Variants in DLG2 observed in about 807,000 individuals in gnomAD.
DLG2 encodes discs large MAGUK scaffold protein 2, also known as disks large homolog 2.
A neutral mutation model predicts 132.5 loss-of-function variants in DLG2; 45 were observed. That is an observed-to-expected ratio of 0.34 (90% CI 0.27 to 0.44). DLG2 has a LOEUF of 0.44. Among genes scored for constraint, DLG2 ranks in the 20% least tolerant of loss-of-function variants. The pLI, the probability that DLG2 is intolerant of heterozygous loss-of-function variation, is 1.00. For missense variants in DLG2, 1,045 were observed against 1,196.9 expected, an observed-to-expected ratio of 0.87 and a Z score of 1.87; for synonymous variants, 424 against 419.6, an observed-to-expected ratio of 1.01 and a Z score of -0.13.
At chr11:84,859,860 C>G (rs1207845613) in intron 6 of DLG2, among the ~76,000 whole-genome samples, 1 of 152,030 alleles carries the variant, frequency 6.6e-6, no homozygotes, top group African/African-American at 2.4e-5. Context: ...GTTTCACTTT[C>G]CTCTTAGAAA....
chr11:84,221,774 G>A (rs563780016), intron 8 of DLG2, among the ~76,000 whole-genome samples: 1 of 152,190 alleles, frequency 6.6e-6, no homozygotes, highest in South Asian at 2.1e-4. Context: ...TATCCACAGT[G>A]ACTACTGCCA....
intron 18 of DLG2, among the ~76,000 whole-genome samples, chr11:83,648,555 A>G (rs929467552): frequency 2.3e-4 from 35 of 152,302 alleles, no homozygotes; most frequent in African/African-American, 7.9e-4. Flanking sequence ...TGAATTACCA[A>G]GTAAAACTGA....
chr11:83,933,273 G>T (rs561193443), intron 14 of DLG2, among the ~76,000 whole-genome samples: 3 of 152,314 alleles, frequency 2.0e-5, no homozygotes, highest in African/African-American at 7.2e-5. Context: ...ATTATAAACT[G>T]CCAGAATGGC....
chr11:85,602,474 G>C (rs573236237), intron 2 of DLG2, among the ~76,000 whole-genome samples: 1 of 152,022 alleles, frequency 6.6e-6, no homozygotes, highest in East Asian at 1.9e-4. Flanking sequence ...CACCCAGATG[G>C]GAATGTAGTG....
intron 7 of DLG2, among the ~76,000 whole-genome samples, chr11:84,389,643 C>T (rs1445973195): frequency 2.6e-5 from 4 of 151,922 alleles, no homozygotes; most frequent in Admixed American, 6.6e-5. Context: ...GATTTATCCT[C>T]CAGAATAATT....
chr11:85,076,145 C>T (rs1312352782), intron 6 of DLG2, among the ~76,000 whole-genome samples: 1 of 151,892 alleles, frequency 6.6e-6, no homozygotes, highest in African/African-American at 2.4e-5. Context: ...GCTAGAGATA[C>T]ACAGATGAAT....
In DLG2 at chr11:83,646,357, C is replaced by CAGAGTG. The variant is rs113642329; in HGVS notation, c.1826-13033_1826-13032insCACTCT. Among the ~76,000 whole-genome samples the CAGAGTG allele has an allele frequency of 1.3e-3, 158 of 126,286 alleles. No homozygotes were observed. In the East Asian group the frequency reaches 0.02, roughly 16 times the overall value. 82.8% of individuals were successfully genotyped at this position (126,286 alleles called of 152,430 possible). A position where few individuals can be genotyped will look rare whatever the true frequency, so the allele number is the denominator to read the frequency against. ...ATTTAATAGGCTTTCAGATATGAAACAGAGAGAGAGAGAGAGAGAGGAAGG... is the reference window on the plus strand; with the variant it reads ...ATTTAATAGGCTTTCAGATATGAAACAGAGTGAGAGAGAGAGAGAGAGAGAGGAAGG... On this transcript the variant is annotated intron_variant, in intron 18 of 27. Coordinates refer to ENST00000376104, the MANE Select transcript of DLG2 (RefSeq NM_001142699.3).
intron 8 of DLG2, among the ~76,000 whole-genome samples, chr11:84,169,623 A>G (rs953326910): frequency 6.6e-6 from 1 of 152,118 alleles, no homozygotes; most frequent in Non-Finnish European, 1.5e-5. Flanking sequence ...CTATAATCTC[A>G]GCACTTTGGG....
chr11:85,142,342 T>G (rs1306515218), intron 5 of DLG2, among the ~76,000 whole-genome samples: 1 of 151,830 alleles, frequency 6.6e-6, no homozygotes. Context: ...GTTTTTTTCT[T>G]GGTTTCTTTT....
chr11:84,735,088 T>C (rs2063655584), intron 6 of DLG2, among the ~76,000 whole-genome samples: 1 of 152,044 alleles, frequency 6.6e-6, no homozygotes, highest in South Asian at 2.1e-4. Context: ...GGGATATTGG[T>C]CTAAAATTCT....
At chr11:84,443,369 A>G (rs1342752010) in intron 7 of DLG2, among the ~76,000 whole-genome samples, 3 of 152,314 alleles carry the variant, frequency 2.0e-5, no homozygotes, top group African/African-American at 4.8e-5. Flanking sequence ...ATAATTTTCA[A>G]TAAACACTCT....
chr11:83,658,068 T>A (rs1291522634), intron 18 of DLG2, among the ~76,000 whole-genome samples: 2 of 152,202 alleles, frequency 1.3e-5, no homozygotes, highest in African/African-American at 4.8e-5. Context: ...CAGAGCTAAA[T>A]TCTGGAAAAC....
At chr11:83,747,330 G>T (rs11233739) in intron 18 of DLG2, among the ~76,000 whole-genome samples, 1,450 of 65,326 alleles carry the variant, frequency 0.022, 13 homozygotes, top group African/African-American at 0.056. Flanking sequence ...CTTCCTTCCT[G>T]CCTTCCTTCC....
intron 18 of DLG2, among the ~76,000 whole-genome samples, chr11:83,777,764 G>A (rs895558056): frequency 2.0e-5 from 3 of 152,100 alleles, no homozygotes; most frequent in Non-Finnish European, 2.9e-5. Flanking sequence ...GTGGGTGAAA[G>A]ATAATTTCTG....
intron 7 of DLG2, among the ~76,000 whole-genome samples, chr11:84,383,624 G>A (rs1016223309): frequency 6.6e-6 from 1 of 152,048 alleles, no homozygotes; most frequent in African/African-American, 2.4e-5. Context: ...GGTACTGTGG[G>A]CAGACTCTAG....
At chr11:85,624,857 A>C (rs772184628) in intron 2 of DLG2, among the ~76,000 whole-genome samples, 6 of 152,200 alleles carry the variant, frequency 3.9e-5, no homozygotes, top group Non-Finnish European at 5.9e-5. Context: ...TTATTGAAGA[A>C]GGAAAGAAGA....
At chr11:84,971,694 C>G (rs1026372651) in intron 6 of DLG2, among the ~76,000 whole-genome samples, 1 of 151,946 alleles carries the variant, frequency 6.6e-6, no homozygotes, top group African/African-American at 2.4e-5. Context: ...AAGGGTAATT[C>G]TTTGATGGTA....
intron 18 of DLG2, among the ~76,000 whole-genome samples, chr11:83,683,869 G>T (rs2079244011): frequency 6.6e-6 from 1 of 152,044 alleles, no homozygotes; most frequent in African/African-American, 2.4e-5. Flanking sequence ...ACCAGAGATG[G>T]GCTTTCTATA....
At chr11:85,170,689 G>A (rs1042319230) in intron 4 of DLG2, among the ~76,000 whole-genome samples, 2 of 152,120 alleles carry the variant, frequency 1.3e-5, no homozygotes, top group African/African-American at 4.8e-5. Flanking sequence ...GTGGTAAAAA[G>A]AATTTACCAA....
Sources: gnomAD v4.1 joint callset for allele counts (sites outside exome capture counted in the v4.1 genomes callset) on GRCh38, gnomAD v4.1.1 for gene constraint, MANE v1.5 for transcripts, NCBI Gene and HGNC (gene_info 2026-07-23, HGNC 2026-07-21) for gene names.